DGAT2: variants seen among roughly 807,000 people sequenced by gnomAD.
DGAT2 encodes the protein diacylglycerol O-acyltransferase 2.
A neutral mutation model predicts 48.4 loss-of-function variants in DGAT2; 33 were observed. That is an observed-to-expected ratio of 0.68 (90% CI 0.52 to 0.91). The LOEUF is 0.91. DGAT2 is among the 40% of genes least tolerant of loss of function. The pLI is 0.00. For missense variants in DGAT2, 446 were observed against 493.7 expected (o/e 0.90, Z 0.92); for synonymous variants, 191 against 194.1 (o/e 0.98, Z 0.13).
At chr11:75,776,785 C>T (rs890221345) in intron 1 of DGAT2, 4 of 152,194 alleles carry the variant, frequency 2.6e-5, no homozygotes, top group African/African-American at 9.7e-5. Flanking sequence ...TGTGGACTCC[C>T]GCTGAAAGGT....
intron 4 of DGAT2, 41 bp downstream of exon 4, chr11:75,790,772 A>C: frequency 1.2e-6 from 2 of 1,607,224 alleles, no homozygotes; most frequent in Non-Finnish European, 1.7e-6. Context: ...GTGGGAATGG[A>C]TGGGAAATCT....
intron 1 of DGAT2, among the ~76,000 whole-genome samples, chr11:75,775,308 G>A (rs1944793915): frequency 6.6e-6 from 1 of 152,166 alleles, no homozygotes; most frequent in Non-Finnish European, 1.5e-5. Context: ...AGGCCCTGAG[G>A]ACTGACAGTG....
At position 75,801,237 on chromosome 11, in the gene DGAT2, C is replaced by T. The variant is rs1945109504; in HGVS notation, c.*729C>T. On this transcript the variant is annotated 3_prime_UTR_variant, in exon 8 of 8. Transcript: ENST00000228027. ...TGATGACATGGATGCAGCACAGACT[C>T]AGCCTTGGCCTGGAGCACATGCTTA... is the stretch of plus-strand genomic sequence containing the variant. 1 of 152,682 alleles carries T rather than the reference C, an allele frequency of 6.5e-6. No individual in the cohort carries two copies. The highest frequency in any genetic ancestry group is 2.4e-5 in the African/African-American group (1 of 41,454). The allele number at this position is 152,682 out of a possible 1,614,324, so 9.5% of individuals were successfully genotyped here.
chr11:75,793,270 G>A (rs924702312), intron 4 of DGAT2: 3 of 152,216 alleles, frequency 2.0e-5, no homozygotes, highest in Non-Finnish European at 4.4e-5. Flanking sequence ...CCCTGGGGGA[G>A]GGGAGTGTGA....
At chr11:75,777,181 C>T (rs1205383882) in intron 1 of DGAT2, among the ~76,000 whole-genome samples, 3 of 151,316 alleles carry the variant, frequency 2.0e-5, no homozygotes, top group African/African-American at 7.3e-5. Context: ...AGGCTGTTCA[C>T]ACCTCTCTTA....
chr11:75,784,673 C>G lies in DGAT2; in HGVS notation c.177C>G (p.Leu59=). ...ALQDLFSVTW[L]NRSKVEKQLQ... is the part of the protein sequence containing the mutation. ...AGGACCTCTTCTCTGTCACCTGGCT[C>G]AATAGGTCCAAGGTGGAAAAGCAGC... Residue 59 remains leucine, a synonymous_variant, in exon 2 of 8, where the codon CTC becomes CTG. Transcript: ENST00000228027. The G allele has an allele frequency of 6.2e-7, 1 of 1,614,098 alleles. No individual in the cohort carries two copies. The highest frequency in any genetic ancestry group is 8.5e-7 in the Non-Finnish European group (1 of 1,179,992).
At chr11:75,789,630 G>C (rs1045052578) in intron 2 of DGAT2, among the ~76,000 whole-genome samples, 2 of 152,218 alleles carry the variant, frequency 1.3e-5, no homozygotes, top group Non-Finnish European at 2.9e-5. Context: ...AGAACGGACT[G>C]TAGAGTCAGA....
intron 7 of DGAT2, among the ~76,000 whole-genome samples, chr11:75,799,616 T>TA (rs1240683624): frequency 6.6e-6 from 1 of 151,942 alleles, no homozygotes; most frequent in African/African-American, 2.4e-5. Flanking sequence ...TTTTTATTTT[T>TA]TTTTTTTTTA....
rs535225420 is a variant in DGAT2 at position 75,777,663 on chromosome 11, T to C, written c.122-6955T>C. Among the ~76,000 whole-genome samples the C allele has an allele frequency of 7.9e-5, 12 of 152,250 alleles. No homozygotes were observed. In the South Asian group the frequency reaches 2.5e-3, roughly 32 times the overall value. ...GGTTCTCCTGACTCTCGGCCCCTGT[T>C]TTCGGCACTGACTCCAGGTTGGCAT... is the stretch of plus-strand genomic sequence containing the variant. On this transcript the variant is annotated intron_variant, in intron 1 of 7. Transcript: ENST00000228027.
At chr11:75,792,614 T>G (rs1565318788) in intron 4 of DGAT2, 2 of 152,112 alleles carry the variant, frequency 1.3e-5, no homozygotes, top group African/African-American at 4.8e-5. Context: ...ACAGCTCATC[T>G]GGCCCAGAGT....
At chr11:75,770,590 G>A (rs1406651254) in intron 1 of DGAT2, among the ~76,000 whole-genome samples, 2 of 152,200 alleles carry the variant, frequency 1.3e-5, no homozygotes, top group Admixed American at 1.3e-4. Context: ...GATGTTCTCT[G>A]TGGTAGTGCT....
At chr11:75,798,146 C>A in intron 6 of DGAT2, 81 bp from the exon 7 acceptor site, 1 of 1,446,768 alleles carries the variant, frequency 6.9e-7, no homozygotes, top group Non-Finnish European at 9.6e-7. Flanking sequence ...GGATGCTTGG[C>A]CAGTGTCCAG....
intron 4 of DGAT2, chr11:75,792,548 G>C (rs1373431946): frequency 6.6e-6 from 1 of 151,996 alleles, no homozygotes; most frequent in African/African-American, 2.4e-5. Flanking sequence ...ATCTGCCGCT[G>C]TACCCACCCG....
At chr11:75,775,412 T>G (rs775181922) in intron 1 of DGAT2, among the ~76,000 whole-genome samples, 1 of 152,258 alleles carries the variant, frequency 6.6e-6, no homozygotes, top group Non-Finnish European at 1.5e-5. Flanking sequence ...TTGGGCCAGA[T>G]GTCCCAGTGG....
intron 1 of DGAT2, among the ~76,000 whole-genome samples, chr11:75,782,304 C>T (rs1944875118): frequency 6.6e-6 from 1 of 152,156 alleles, no homozygotes; most frequent in South Asian, 2.1e-4. Context: ...TCAGTAAATC[C>T]AGTCTGGAGC....
Position 75,800,480 on chromosome 11 carries a change from C to A in DGAT2, c.1139C>A (p.Pro380Gln), listed in dbSNP as rs745315498. ...AAGCACAAGACCAAGTTCGGCCTCCCGGAGACTGAGGTCCTGGAGGTGAAC... is the reference window on the plus strand; with the variant it reads ...AAGCACAAGACCAAGTTCGGCCTCCAGGAGACTGAGGTCCTGGAGGTGAAC... Reference protein sequence around the residue: ...FDKHKTKFGLPETEVLEVN With the variant: ...FDKHKTKFGLQETEVLEVN The change falls in exon 8 of 8, where the codon CCG (proline) becomes CAG (glutamine). Residue 380 changes from proline (P) to glutamine (Q), a missense_variant. By Grantham distance (76) the Pro-to-Gln change is moderately conservative. Coordinates refer to ENST00000228027, the MANE Select transcript of DGAT2 (RefSeq NM_032564.5). 1.2e-6 allele frequency: 2 copies of A among 1,613,936 alleles called. No individual in the cohort carries two copies. The highest frequency in any genetic ancestry group is 3.3e-5 in the Admixed American group (2 of 59,994).
At chr11:75,790,547 G>T (rs1333221977) in intron 3 of DGAT2, 114 bp from the exon 4 acceptor site, 5 of 985,288 alleles carry the variant, frequency 5.1e-6, no homozygotes, top group Admixed American at 1.7e-5. Flanking sequence ...ATGGGAAGGG[G>T]GCATGGTGCA....
intron 1 of DGAT2, among the ~76,000 whole-genome samples, chr11:75,769,473 C>G (rs968893752): frequency 6.6e-6 from 1 of 152,116 alleles, no homozygotes; most frequent in South Asian, 2.1e-4. Context: ...TCTCCTGAGA[C>G]AGCCACCAGA....
chr11:75,779,594 G>C (rs1474967460), intron 1 of DGAT2, among the ~76,000 whole-genome samples: 3 of 152,138 alleles, frequency 2.0e-5, no homozygotes, highest in Admixed American at 2.0e-4. Flanking sequence ...GAGCTGCTCT[G>C]GGCCTCTCTG....
Sources: gnomAD v4.1 joint callset for allele counts (sites outside exome capture counted in the v4.1 genomes callset) on GRCh38, gnomAD v4.1.1 for gene constraint, MANE v1.5 for transcripts, NCBI Gene and HGNC (gene_info 2026-07-23, HGNC 2026-07-21) for gene names.